Variants in MYO10 observed in about 807,000 individuals in gnomAD.
MYO10 encodes the protein myosin X.
In MYO10, 133 loss-of-function variants were observed where a neutral mutation model predicts 257.3. The ratio of observed to expected loss-of-function variants is 0.52; its 90% CI spans 0.45 to 0.60. The LOEUF (loss-of-function observed/expected upper bound fraction) is 0.60, where lower values mean the gene tolerates loss of function less well. MYO10 is among the 20% of genes least tolerant of loss of function. The pLI, the probability that MYO10 is intolerant of heterozygous loss-of-function variation, is 0.00. For synonymous variants in MYO10, 1,104 were observed against 1,028.6 expected (o/e 1.07, Z -1.40); for missense variants, 2,399 against 2,635.7 (o/e 0.91, Z 1.97).
intron 2 of MYO10, among the ~76,000 whole-genome samples, chr5:16,869,876 A>C (rs1461893344): frequency 6.7e-6 from 1 of 148,768 alleles, no homozygotes; most frequent in Non-Finnish European, 1.5e-5. Context: ...AAAAACTATA[A>C]TAATAATAAT....
chr5:16,828,745 T>C (rs749175759), intron 2 of MYO10, among the ~76,000 whole-genome samples: 1 of 151,936 alleles, frequency 6.6e-6, no homozygotes, highest in Non-Finnish European at 1.5e-5. Context: ...TTTGTTTTGT[T>C]TTGTTTTGAG....
rs70943805 is a variant in MYO10, at chr5:16,796,442, C to CAGAAAGAAAGAAAGAAAGAAAGAA, written c.280-1633_280-1610dup. Among the ~76,000 whole-genome samples, 90 of 120,810 alleles carry CAGAAAGAAAGAAAGAAAGAAAGAA rather than the reference C, an allele frequency of 7.4e-4. 1 individual carries two copies. The highest frequency in any genetic ancestry group is 2.4e-3 in the South Asian group (8 of 3,394). The allele number at this position is 120,810 out of a possible 152,430, so 79.3% of individuals were successfully genotyped here. A position where few individuals can be genotyped will look rare whatever the true frequency, so the allele number is the denominator to read the frequency against. On this transcript the variant is annotated intron_variant, in intron 3 of 40. Coordinates refer to ENST00000513610, the MANE Select transcript of MYO10 (RefSeq NM_012334.3). ...AAAGGAAAAAGAAAGAAAAGAAAGA[C>CAGAAAGAAAGAAAGAAAGAAAGAA]AGAAAGAAAGAAAGAAAGAAAGAAA...
intron 19 of MYO10, among the ~76,000 whole-genome samples, chr5:16,714,871 C>CA (rs1269866104): frequency 6.6e-6 from 1 of 151,788 alleles, no homozygotes; most frequent in Non-Finnish European, 1.5e-5. Flanking sequence ...TTACTGGGTA[C>CA]AAAAAATAGA....
chr5:16,920,313 C>G (rs997615236), intron 1 of MYO10, among the ~76,000 whole-genome samples: 1 of 152,068 alleles, frequency 6.6e-6, no homozygotes, highest in Non-Finnish European at 1.5e-5. Context: ...TAAAAGTGTT[C>G]CTGAACAATG....
In MYO10 at chr5:16,664,234, T is replaced by C. The variant is rs1018849556; in HGVS notation, c.*2458A>G. On this transcript the variant is annotated 3_prime_UTR_variant, in exon 41 of 41. Transcript: ENST00000513610. Reference sequence around the variant, plus strand: ...GTAAAGGCTCACATGTAAATCTATGTTCTAACTATGGTGCTGCTCTAACCC... The same window carrying C: ...GTAAAGGCTCACATGTAAATCTATGCTCTAACTATGGTGCTGCTCTAACCC... The C allele has an allele frequency of 6.6e-6, 1 of 152,206 alleles. No homozygotes were observed. Among genetic ancestry groups the C allele is most frequent in the African/African-American group, 2.4e-5 (1 of 41,450 alleles). 9.4% of individuals were successfully genotyped at this position (152,206 alleles called of 1,614,324 possible). A position where few individuals can be genotyped will look rare whatever the true frequency, so the allele number is the denominator to read the frequency against.
intron 1 of MYO10, among the ~76,000 whole-genome samples, chr5:16,891,920 C>T (rs948090032): frequency 7.9e-5 from 12 of 152,158 alleles, no homozygotes; most frequent in African/African-American, 2.9e-4. Context: ...GAGACCTGTA[C>T]AAATGTCTCT....
intron 19 of MYO10, among the ~76,000 whole-genome samples, chr5:16,747,874 G>C (rs995517528): frequency 2.4e-4 from 32 of 132,324 alleles, no homozygotes; most frequent in Middle Eastern, 5.0e-3. Context: ...AGCCGAGATC[G>C]TGCCACTGCA....
rs530479622 is a variant in MYO10 at position 16,893,089 on chromosome 5, C to T, written c.22-15382G>A. Among the ~76,000 whole-genome samples, 3 of 146,746 alleles carry T rather than the reference C, an allele frequency of 2.0e-5. No homozygotes were observed. In the South Asian group the frequency reaches 6.6e-4, roughly 32 times the overall value. On this transcript the variant is annotated intron_variant, in intron 1 of 40. Transcript: ENST00000513610. ...GCGGGCGCCTGTAGTCCCAGCTACT[C>T]GGGAGGCTGAGGCAGGAGAATGGCT...
At chr5:16,778,753 C>T (rs1308224774) in intron 9 of MYO10, among the ~76,000 whole-genome samples, 6 of 145,402 alleles carry the variant, frequency 4.1e-5, no homozygotes, top group African/African-American at 1.3e-4. Context: ...TGCAGTTGCG[C>T]GATCTCGGCT....
At chr5:16,711,307 G>A (rs1738600322) in intron 19 of MYO10, 62 bp from the exon 20 acceptor site, 12 of 1,509,734 alleles carry the variant, frequency 7.9e-6, no homozygotes, top group Non-Finnish European at 1.1e-5. Context: ...GATAAGGGAG[G>A]CTTAATAAAG....
At chr5:16,687,576 G>A (rs142740835) in intron 28 of MYO10, among the ~76,000 whole-genome samples, 10 of 151,806 alleles carry the variant, frequency 6.6e-5, no homozygotes, top group Admixed American at 2.6e-4. Flanking sequence ...CCAATGGCAT[G>A]TTTAAGTTAA....
chr5:16,764,123 G>A (rs1740798724), intron 12 of MYO10, 127 bp downstream of exon 12: 1 of 1,093,374 alleles, frequency 9.1e-7, no homozygotes, highest in Non-Finnish European at 1.3e-6. Context: ...CTCCAGCCTG[G>A]GATACAGAGT....
rs529069203 is a variant in MYO10, at chr5:16,879,229, A to T, written c.22-1522T>A. ...CCTCCCTTCCTAAAATAGCACTTTA[A>T]CTGAACAACTCCTTTTCTAGAATTT... On this transcript the variant is annotated intron_variant, in intron 1 of 40. Coordinates refer to ENST00000513610, the MANE Select transcript of MYO10 (RefSeq NM_012334.3). Among the ~76,000 whole-genome samples, 72 of 152,264 alleles carry T rather than the reference A, an allele frequency of 4.7e-4. 1 individual carries two copies. The East Asian group carries it at 9.1e-3, about 19-fold the overall frequency.
chr5:16,814,127 C>A (rs554712735), intron 3 of MYO10, among the ~76,000 whole-genome samples: 1 of 152,156 alleles, frequency 6.6e-6, no homozygotes, highest in Non-Finnish European at 1.5e-5. Context: ...TTTCAACCTA[C>A]AGAACTGTAA....
chr5:16,866,014 A>AACACACACACAC lies in MYO10; in HGVS notation c.120+11583_120+11594dup, dbSNP rs34718010. On this transcript the variant is annotated intron_variant, in intron 2 of 40. Transcript: ENST00000513610. The stretch of plus-strand genomic sequence containing the variant: ...GTTTTATGTCATATTTATTTACCCA[A>AACACACACACAC]ACACACACACACACACACACACACA... Among the ~76,000 whole-genome samples the AACACACACACAC allele has an allele frequency of 7.8e-3, 1,066 of 136,542 alleles. 22 individuals are homozygous for AACACACACACAC. The highest frequency in any genetic ancestry group is 0.028 in the African/African-American group (1,000 of 36,010). The allele number at this position is 136,542 out of a possible 152,430, so 89.6% of individuals were successfully genotyped here.
chr5:16,685,745 T>C lies in MYO10; in HGVS notation c.3983A>G (p.Asn1328Ser). The change falls in exon 29 of 41, where the codon AAT (asparagine) becomes AGT (serine). Residue 1328 changes from asparagine (N) to serine (S), a missense_variant. Asn to Ser is a conservative substitution (Grantham distance 46). Transcript: ENST00000513610. ...CACACAGTGCTCCCGTACCACAGCA[T>C]TCTGTGGGTTTGCCTGCTCATCATG... ...EMHDEQANPQ[N>S]AVGTLDVGLI... 1 of 1,368,784 alleles carries C rather than the reference T, an allele frequency of 7.3e-7. No homozygotes were observed. The highest frequency in any genetic ancestry group is 9.7e-7 in the Non-Finnish European group (1 of 1,027,258). 84.8% of individuals were successfully genotyped at this position (1,368,784 alleles called of 1,614,324 possible). A position where few individuals can be genotyped will look rare whatever the true frequency, so the allele number is the denominator to read the frequency against.
intron 2 of MYO10, among the ~76,000 whole-genome samples, chr5:16,830,127 T>C (rs1290653052): frequency 5.3e-5 from 8 of 151,898 alleles, no homozygotes; most frequent in Non-Finnish European, 8.8e-5. Context: ...TCCCAGCTAC[T>C]TGGGAGGCTG....
At chr5:16,854,186 T>C (rs2126739122) in intron 2 of MYO10, 1 of 152,350 alleles carries the variant, frequency 6.6e-6, no homozygotes, top group South Asian at 2.1e-4. Flanking sequence ...GTATATATAA[T>C]ATCACTCTTA....
At chr5:16,717,967 G>A (rs1738948088) in intron 19 of MYO10, among the ~76,000 whole-genome samples, 1 of 152,240 alleles carries the variant, frequency 6.6e-6, no homozygotes, top group Non-Finnish European at 1.5e-5. Flanking sequence ...GGCACGAGCG[G>A]GAACCGGGGC....
Sources: allele counts gnomAD v4.1 joint callset (sites outside exome capture counted in the v4.1 genomes callset), GRCh38; gene constraint gnomAD v4.1.1; transcripts MANE v1.5; gene names NCBI Gene and HGNC (gene_info 2026-07-23, HGNC 2026-07-21).